Variants in PPP2R5E observed in about 807,000 individuals in gnomAD.
PPP2R5E encodes serine/threonine-protein phosphatase 2A 56 kDa regulatory subunit epsilon isoform.
In PPP2R5E, 4 loss-of-function variants were observed where a neutral mutation model predicts 65.3. The observed-to-expected ratio is 0.06, with a 90% CI of 0.03 to 0.14. The LOEUF (loss-of-function observed/expected upper bound fraction) is 0.14, where lower values mean the gene tolerates loss of function less well. Ranked by LOEUF, PPP2R5E falls within the 10% of genes least tolerant of loss-of-function variation. The pLI, the probability that PPP2R5E is intolerant of heterozygous loss-of-function variation, is 1.00. For synonymous variants in PPP2R5E, 183 were observed against 187.4 expected (o/e 0.98, Z 0.19); for missense variants, 274 against 556.1 (o/e 0.49, Z 5.10).
intron 2 of PPP2R5E, among the ~76,000 whole-genome samples, chr14:63,459,954 G>C (rs1889362091): frequency 6.6e-6 from 1 of 152,154 alleles, no homozygotes; most frequent in African/African-American, 2.4e-5. Context: ...ATGTCGAGTT[G>C]GCTGCTTTTA....
At chr14:63,521,666 A>G (rs570484472) in intron 2 of PPP2R5E, among the ~76,000 whole-genome samples, 1 of 152,318 alleles carries the variant, frequency 6.6e-6, no homozygotes, top group South Asian at 2.1e-4. Context: ...CAGTCTCAAA[A>G]AAAAGAGCCC....
chr14:63,399,265 T>C (rs1179641150), intron 5 of PPP2R5E, among the ~76,000 whole-genome samples: 4 of 148,730 alleles, frequency 2.7e-5, no homozygotes, highest in Non-Finnish European at 5.9e-5. Context: ...CAGAAGGCCA[T>C]ACAATGTATG....
intron 2 of PPP2R5E, among the ~76,000 whole-genome samples, chr14:63,526,580 G>A (rs1445699002): frequency 6.6e-6 from 1 of 151,552 alleles, no homozygotes; most frequent in African/African-American, 2.4e-5. Context: ...TTGAGACAGG[G>A]TCTCACTCTG....
rs118169933 is a variant in PPP2R5E, at chr14:63,448,920, A to G, written c.354+4769T>C. 3.0e-4 allele frequency among the ~76,000 whole-genome samples: 46 copies of G among 152,284 alleles called. No individual in the cohort carries two copies. In the East Asian group the frequency reaches 8.7e-3, roughly 29 times the overall value. Reference sequence around the variant, plus strand: ...CTAGAAGTCTGTAGGTGGTATCCAGACTTCATTTAATTGTTAAAAATGGTT... The same window carrying G: ...CTAGAAGTCTGTAGGTGGTATCCAGGCTTCATTTAATTGTTAAAAATGGTT... On this transcript the variant is annotated intron_variant, in intron 3 of 13. Coordinates refer to ENST00000337537, the MANE Select transcript of PPP2R5E (RefSeq NM_006246.5).
At chr14:63,526,831 G>A (rs1256047732) in intron 2 of PPP2R5E, among the ~76,000 whole-genome samples, 1 of 152,188 alleles carries the variant, frequency 6.6e-6, no homozygotes, top group Non-Finnish European at 1.5e-5. Context: ...TGCTAGGTAG[G>A]ATTACAGGTG....
chr14:63,476,479 A>G (rs1420982975), intron 2 of PPP2R5E, among the ~76,000 whole-genome samples: 1 of 151,892 alleles, frequency 6.6e-6, no homozygotes, highest in Non-Finnish European at 1.5e-5. Context: ...CAAAAAGACC[A>G]CTCCTCCTTC....
At chr14:63,504,567 G>A (rs1384385886) in intron 2 of PPP2R5E, among the ~76,000 whole-genome samples, 1 of 152,206 alleles carries the variant, frequency 6.6e-6, no homozygotes, top group Non-Finnish European at 1.5e-5. Context: ...CGGCGACAGA[G>A]TGAGACTCCA....
chr14:63,506,856 C>T (rs573409841), intron 2 of PPP2R5E, among the ~76,000 whole-genome samples: 143 of 152,302 alleles, frequency 9.4e-4, no homozygotes, highest in African/African-American at 3.4e-3. Flanking sequence ...ATGTTCATAA[C>T]AGCATTATCC....
chr14:63,469,938 C>T (rs1381494473), intron 2 of PPP2R5E, among the ~76,000 whole-genome samples: 1 of 152,192 alleles, frequency 6.6e-6, no homozygotes, highest in Non-Finnish European at 1.5e-5. Context: ...AACTTCACTA[C>T]AAAGAACCAG....
At chr14:63,460,891 TACAC>T (rs1566718919) in intron 2 of PPP2R5E, among the ~76,000 whole-genome samples, 1 of 151,968 alleles carries the variant, frequency 6.6e-6, no homozygotes, top group Non-Finnish European at 1.5e-5. Flanking sequence ...CACGCACACA[TACAC>T]ACATGCACAC....
intron 2 of PPP2R5E, among the ~76,000 whole-genome samples, chr14:63,473,083 A>G (rs1038698606): frequency 6.6e-6 from 1 of 152,246 alleles, no homozygotes; most frequent in Non-Finnish European, 1.5e-5. Context: ...ATTACATTAG[A>G]TATAACAGAA....
At chr14:63,484,352 C>G (rs868146287) in intron 2 of PPP2R5E, among the ~76,000 whole-genome samples, 1,495 of 132,050 alleles carry the variant, frequency 0.011, 7 homozygotes, top group African/African-American at 0.022. Flanking sequence ...CTCTCTCACA[C>G]ACACACACAC....
chr14:63,410,204 T>C (rs1375967705), intron 5 of PPP2R5E, among the ~76,000 whole-genome samples: 5 of 152,172 alleles, frequency 3.3e-5, no homozygotes, highest in African/African-American at 4.8e-5. Context: ...ACCAAGATTC[T>C]TTTTTGAGAC....
intron 2 of PPP2R5E, among the ~76,000 whole-genome samples, chr14:63,476,596 T>G (rs751559571): frequency 1.5e-4 from 23 of 152,142 alleles, no homozygotes; most frequent in Non-Finnish European, 3.1e-4. Context: ...TAAATCAGAC[T>G]CTACTGTCCA....
chr14:63,372,010 T>C lies in PPP2R5E; in HGVS notation c.*3999A>G, dbSNP rs1044191403. On this transcript the variant is annotated 3_prime_UTR_variant, in exon 14 of 14. Transcript: ENST00000337537. ...GATACATGAGGTTTGGATTACAACT[T>C]ATTTACAATAAGTGATTTCAAAAAA... is the stretch of plus-strand genomic sequence containing the variant. 1 of 151,028 alleles carries C rather than the reference T, an allele frequency of 6.6e-6. No individual in the cohort carries two copies. The highest frequency in any genetic ancestry group is 2.4e-5 in the African/African-American group (1 of 40,992). 9.4% of individuals were successfully genotyped at this position (151,028 alleles called of 1,614,324 possible). A position where few individuals can be genotyped will look rare whatever the true frequency, so the allele number is the denominator to read the frequency against.
chr14:63,519,968 CAAACTCTT>C (rs1892829392), intron 2 of PPP2R5E, among the ~76,000 whole-genome samples: 1 of 150,824 alleles, frequency 6.6e-6, no homozygotes, highest in South Asian at 2.1e-4. Flanking sequence ...CTCCTACGGA[CAAACTCTT>C]AATTCAGTCT....
chr14:63,533,339 A>G (rs1313858577), intron 2 of PPP2R5E, among the ~76,000 whole-genome samples: 3 of 151,726 alleles, frequency 2.0e-5, no homozygotes, highest in Non-Finnish European at 4.4e-5. Flanking sequence ...AGGCAGGCAG[A>G]TCACCTGAGG....
At chr14:63,533,310 C>T (rs1893514011) in intron 2 of PPP2R5E, among the ~76,000 whole-genome samples, 1 of 152,150 alleles carries the variant, frequency 6.6e-6, no homozygotes, top group East Asian at 1.9e-4. Flanking sequence ...GCCTGTAATC[C>T]CAGCACTTTG....
intron 4 of PPP2R5E, among the ~76,000 whole-genome samples, chr14:63,418,032 T>C (rs1201809822): frequency 1.3e-5 from 2 of 152,200 alleles, no homozygotes; most frequent in Non-Finnish European, 2.9e-5. Flanking sequence ...TTTACTTCCT[T>C]ATAAAACTAT....
Sources: gnomAD v4.1 joint callset for allele counts (sites outside exome capture counted in the v4.1 genomes callset) on GRCh38, gnomAD v4.1.1 for gene constraint, MANE v1.5 for transcripts, NCBI Gene and HGNC (gene_info 2026-07-23, HGNC 2026-07-21) for gene names.